Variants in RBFOX1 observed in about 807,000 individuals in gnomAD.
The protein encoded by RBFOX1 is RNA binding protein fox-1 homolog 1.
Under a neutral mutation model 57.7 loss-of-function variants are expected in RBFOX1, and 8 were observed. The ratio of observed to expected loss-of-function variants is 0.14; its 90% CI spans 0.08 to 0.25. The LOEUF (loss-of-function observed/expected upper bound fraction) is 0.25. Among genes scored for constraint, RBFOX1 ranks in the 10% least tolerant of loss-of-function variants. The pLI is 1.00. For synonymous variants in RBFOX1, 326 were observed against 222.4 expected, an observed-to-expected ratio of 1.47 and a Z score of -4.15; for missense variants, 611 against 548.5, an observed-to-expected ratio of 1.11 and a Z score of -1.14.
rs551953365 is a variant in RBFOX1, at chr16:7,079,368, A to T, written c.27+27270A>T. On this transcript the variant is annotated intron_variant, in intron 4 of 15. Transcript: ENST00000550418. ...AGGGGAGCAGAGGAAAGGTATGCTG[A>T]GCAGGTACAACAAAGAAAACACAGA... Among the ~76,000 whole-genome samples the T allele has an allele frequency of 1.3e-4, 20 of 152,286 alleles. No homozygotes were observed. The East Asian group carries it at 3.7e-3, about 28-fold the overall frequency.
At chr16:5,330,975 C>T (rs1256551958) in intron 1 of RBFOX1, among the ~76,000 whole-genome samples, 1 of 51,274 alleles carries the variant, frequency 2.0e-5, no homozygotes, top group Non-Finnish European at 6.9e-5. Flanking sequence ...TACCCAGGCT[C>T]TCTGGTGGTT....
intron 1 of RBFOX1, among the ~76,000 whole-genome samples, chr16:6,216,175 T>C (rs115555762): frequency 0.024 from 3,603 of 152,160 alleles, 117 homozygotes; most frequent in African/African-American, 0.075. Flanking sequence ...AAATAACTAA[T>C]GGGTACTGGG....
At chr16:6,499,312 A>G (rs1190010428) in intron 2 of RBFOX1, among the ~76,000 whole-genome samples, 3 of 152,140 alleles carry the variant, frequency 2.0e-5, no homozygotes, top group Non-Finnish European at 4.4e-5. Context: ...GCACTAATCG[A>G]GCCATTATGC....
At chr16:5,824,126 A>G (rs1319644049) in intron 3 of RBFOX1, among the ~76,000 whole-genome samples, 1 of 152,220 alleles carries the variant, frequency 6.6e-6, no homozygotes, top group African/African-American at 2.4e-5. Context: ...GGGAGCTAGA[A>G]GAAGTGCTCT....
chr16:7,039,110 G>C (rs1300207392), intron 3 of RBFOX1, among the ~76,000 whole-genome samples: 2 of 152,152 alleles, frequency 1.3e-5, no homozygotes, highest in African/African-American at 4.8e-5. Flanking sequence ...GGTCATTCGA[G>C]TGCTAAGAAT....
intron 3 of RBFOX1, among the ~76,000 whole-genome samples, chr16:5,717,294 A>C (rs908810133): frequency 6.6e-6 from 1 of 151,990 alleles, no homozygotes; most frequent in East Asian, 1.9e-4. Flanking sequence ...TTCCACTTCC[A>C]CTTTTACTTG....
intron 2 of RBFOX1, among the ~76,000 whole-genome samples, chr16:6,463,959 G>C (rs1285155023): frequency 6.6e-6 from 1 of 152,052 alleles, no homozygotes; most frequent in African/African-American, 2.4e-5. Context: ...GAGCCACTAA[G>C]AAAAAATCAA....
At chr16:7,219,643 G>A (rs1343782103) in intron 4 of RBFOX1, among the ~76,000 whole-genome samples, 1 of 152,264 alleles carries the variant, frequency 6.6e-6, no homozygotes, top group South Asian at 2.1e-4. Context: ...GATTGTTTTT[G>A]TCAAACTCGG....
At chr16:6,681,192 G>T (rs1348468530) in intron 3 of RBFOX1, among the ~76,000 whole-genome samples, 1 of 152,110 alleles carries the variant, frequency 6.6e-6, no homozygotes, top group Non-Finnish European at 1.5e-5. Context: ...CGTGCCTGTA[G>T]TCCCAGTTAC....
intron 3 of RBFOX1, among the ~76,000 whole-genome samples, chr16:6,788,397 C>T (rs9923210): frequency 0.097 from 14,699 of 151,758 alleles, 1,317 homozygotes; most frequent in East Asian, 0.23. Flanking sequence ...TAATTATTAT[C>T]GTCTCTCTGA....
At chr16:6,933,968 C>G (rs1040715964) in intron 3 of RBFOX1, among the ~76,000 whole-genome samples, 1 of 152,150 alleles carries the variant, frequency 6.6e-6, no homozygotes, top group African/African-American at 2.4e-5. Context: ...GTACTTATCA[C>G]TAAAGTTAAT....
chr16:5,343,481 A>ATTT (rs5815238), intron 1 of RBFOX1, among the ~76,000 whole-genome samples: 134 of 147,632 alleles, frequency 9.1e-4, no homozygotes, highest in African/African-American at 3.1e-3. Context: ...CACCAGGCTA[A>ATTT]TTTTTTTTTT....
intron 3 of RBFOX1, among the ~76,000 whole-genome samples, chr16:5,701,274 C>T (rs952858443): frequency 2.0e-5 from 3 of 152,188 alleles, no homozygotes; most frequent in African/African-American, 7.2e-5. Context: ...TACAGCATAA[C>T]AGGTTATGAA....
At chr16:6,270,685 C>T (rs1222713333) in intron 1 of RBFOX1, among the ~76,000 whole-genome samples, 5 of 152,124 alleles carry the variant, frequency 3.3e-5, no homozygotes, top group African/African-American at 4.8e-5. Context: ...GACTGAAAAT[C>T]AGAAGGATAA....
chr16:6,693,025 A>T (rs1304457702), intron 3 of RBFOX1, among the ~76,000 whole-genome samples: 1 of 151,192 alleles, frequency 6.6e-6, no homozygotes, highest in Admixed American at 6.6e-5. Context: ...CATCATCAAC[A>T]TCATCCCCAT....
At chr16:5,758,953 G>C (rs2053492978) in intron 3 of RBFOX1, among the ~76,000 whole-genome samples, 1 of 152,226 alleles carries the variant, frequency 6.6e-6, no homozygotes, top group South Asian at 2.1e-4. Flanking sequence ...TGGGTTGTGA[G>C]AGGGGCAGTG....
At chr16:7,121,771 C>G (rs1021666931) in intron 4 of RBFOX1, among the ~76,000 whole-genome samples, 4 of 151,750 alleles carry the variant, frequency 2.6e-5, no homozygotes, top group African/African-American at 9.7e-5. Flanking sequence ...GTGAATATAT[C>G]TAATTTATTT....
At chr16:5,782,157 G>A (rs1175937492) in intron 3 of RBFOX1, among the ~76,000 whole-genome samples, 1 of 152,372 alleles carries the variant, frequency 6.6e-6, no homozygotes, top group Non-Finnish European at 1.5e-5. Context: ...GTTGCAGTGA[G>A]ATGAGATGGC....
chr16:6,549,600 A>C (rs2096955219), intron 2 of RBFOX1, among the ~76,000 whole-genome samples: 1 of 151,516 alleles, frequency 6.6e-6, no homozygotes, highest in South Asian at 2.1e-4. Flanking sequence ...ATTCACTTGA[A>C]GATACTGCAG....
Sources: gnomAD v4.1 joint callset for allele counts (sites outside exome capture counted in the v4.1 genomes callset) on GRCh38, gnomAD v4.1.1 for gene constraint, MANE v1.5 for transcripts, NCBI Gene and HGNC (gene_info 2026-07-23, HGNC 2026-07-21) for gene names.